ENTREP2: variants seen among roughly 807,000 people sequenced by gnomAD.
ENTREP2 encodes protein ENTREP2.
At chr15:29,355,242 T>C in the ENTREP2 span, among the ~76,000 whole-genome samples, 127 of 152,162 alleles carry the variant, frequency 8.3e-4, no homozygotes, top group African/African-American at 2.7e-3. Context: ...CCTTTGTAAA[T>C]AGTCACCCCA....
chr15:29,580,034 C>T, the ENTREP2 span, among the ~76,000 whole-genome samples: 3 of 151,888 alleles, frequency 2.0e-5, no homozygotes, highest in Non-Finnish European at 1.5e-5. Flanking sequence ...TTAGGAGAGA[C>T]AGGGTTTTTC....
the ENTREP2 span, among the ~76,000 whole-genome samples, chr15:29,431,279 C>A: frequency 1.3e-5 from 2 of 152,008 alleles, no homozygotes. Flanking sequence ...GGCCCCTGCA[C>A]GTATGGTTTA....
At chr15:29,442,973 G>A in the ENTREP2 span, among the ~76,000 whole-genome samples, 17,827 of 152,174 alleles carry the variant, frequency 0.12, 1,339 homozygotes, top group Non-Finnish European at 0.18. Context: ...CAGAAACCAG[G>A]GGCAGGGACC....
chr15:29,662,173 C>T, the ENTREP2 span, among the ~76,000 whole-genome samples: 7 of 141,572 alleles, frequency 4.9e-5, no homozygotes, highest in Admixed American at 1.5e-4. Flanking sequence ...ATCGTGCAAC[C>T]GCATTCCAGC....
chr15:29,495,996 G>A, the ENTREP2 span, among the ~76,000 whole-genome samples: 4 of 151,916 alleles, frequency 2.6e-5, no homozygotes, highest in Admixed American at 2.0e-4. Context: ...ATCACTTTGG[G>A]TATTATGAAT....
the ENTREP2 span, among the ~76,000 whole-genome samples, chr15:29,475,798 T>C: frequency 1.3e-5 from 2 of 152,154 alleles, no homozygotes; most frequent in Admixed American, 6.5e-5. Flanking sequence ...CCCTGGTCCA[T>C]GGCACACCCT....
the ENTREP2 span, among the ~76,000 whole-genome samples, chr15:29,546,416 T>C: frequency 6.6e-6 from 1 of 151,584 alleles, no homozygotes; most frequent in Non-Finnish European, 1.5e-5. Flanking sequence ...AGAAACCAAC[T>C]TGGGAAGAAG....
the ENTREP2 span, among the ~76,000 whole-genome samples, chr15:29,606,098 A>G: frequency 6.6e-6 from 1 of 152,044 alleles, no homozygotes; most frequent in Non-Finnish European, 1.5e-5. Flanking sequence ...TACCTATTCT[A>G]AAAAATGTGT....
At chr15:29,245,147 A>G in the ENTREP2 span, among the ~76,000 whole-genome samples, 1 of 152,230 alleles carries the variant, frequency 6.6e-6, no homozygotes, top group Non-Finnish European at 1.5e-5. Flanking sequence ...AAAACTGCAA[A>G]AAGTCTTACA....
the ENTREP2 span, among the ~76,000 whole-genome samples, chr15:29,199,241 C>T: frequency 3.3e-5 from 5 of 152,204 alleles, no homozygotes; most frequent in African/African-American, 1.2e-4. Context: ...ACTCCACATC[C>T]TGGCTTGTGC....
At chr15:29,226,741 T>C in the ENTREP2 span, among the ~76,000 whole-genome samples, 7 of 152,174 alleles carry the variant, frequency 4.6e-5, no homozygotes, top group African/African-American at 1.7e-4. Context: ...ATTAGAGTGC[T>C]GGTAATAGAG....
At chr15:29,245,362 A>G in the ENTREP2 span, among the ~76,000 whole-genome samples, 1 of 152,088 alleles carries the variant, frequency 6.6e-6, no homozygotes, top group African/African-American at 2.4e-5. Flanking sequence ...ATAAAACCCG[A>G]AAATACTGAG....
the ENTREP2 span, among the ~76,000 whole-genome samples, chr15:29,291,356 C>T: frequency 1.3e-5 from 2 of 152,168 alleles, no homozygotes; most frequent in African/African-American, 2.4e-5. Context: ...TGATGTCTCT[C>T]TGGTTCAACC....
At chr15:29,469,040 G>A in the ENTREP2 span, among the ~76,000 whole-genome samples, 775 of 152,264 alleles carry the variant, frequency 5.1e-3, 7 homozygotes, top group African/African-American at 0.018. Flanking sequence ...GGCTGGAAGA[G>A]CATCCGAGGT....
chr15:29,298,230 A>T, the ENTREP2 span, among the ~76,000 whole-genome samples: 1 of 152,212 alleles, frequency 6.6e-6, no homozygotes, highest in African/African-American at 2.4e-5. Context: ...ATAGGATACA[A>T]GTCAAGCTGT....
chr15:29,399,195 T>G, the ENTREP2 span, among the ~76,000 whole-genome samples: 18 of 152,306 alleles, frequency 1.2e-4, no homozygotes, highest in South Asian at 3.7e-3. Flanking sequence ...GATCTTTCCC[T>G]CGTAAAGCTT....
At chr15:29,250,070 C>T in the ENTREP2 span, among the ~76,000 whole-genome samples, 4 of 152,114 alleles carry the variant, frequency 2.6e-5, no homozygotes, top group Non-Finnish European at 4.4e-5. Flanking sequence ...CTCCAACGCT[C>T]GGGATTGCAA....
chr15:29,349,412 A>G, the ENTREP2 span, among the ~76,000 whole-genome samples: 3 of 152,228 alleles, frequency 2.0e-5, no homozygotes, highest in Non-Finnish European at 4.4e-5. Context: ...TCAATCATGA[A>G]TAAATGAATT....
At chr15:29,525,618 A>G in the ENTREP2 span, among the ~76,000 whole-genome samples, 1 of 152,232 alleles carries the variant, frequency 6.6e-6, no homozygotes, top group Non-Finnish European at 1.5e-5. Flanking sequence ...CTTTATGCTG[A>G]GTGAAAAAGG....
Sources: allele counts gnomAD v4.1 joint callset (sites outside exome capture counted in the v4.1 genomes callset), GRCh38; gene constraint gnomAD v4.1.1; transcripts MANE v1.5; gene names NCBI Gene and HGNC (gene_info 2026-07-23, HGNC 2026-07-21).